CCSER1: variants seen among roughly 807,000 people sequenced by gnomAD.
CCSER1 encodes coiled-coil serine rich protein 1, also known as serine-rich coiled-coil domain-containing protein 1.
A neutral mutation model predicts 82.0 loss-of-function variants in CCSER1; 41 were observed. The observed-to-expected ratio is 0.50, with a 90% CI of 0.39 to 0.65. The LOEUF (loss-of-function observed/expected upper bound fraction) is 0.65. Among genes scored for constraint, CCSER1 ranks in the 30% least tolerant of loss-of-function variants. CCSER1 has a pLI of 0.00. For synonymous variants in CCSER1, 414 were observed against 383.9 expected, an observed-to-expected ratio of 1.08 and a Z score of -0.92; for missense variants, 1,119 against 1,064.2, an observed-to-expected ratio of 1.05 and a Z score of -0.72.
intron 10 of CCSER1, among the ~76,000 whole-genome samples, chr4:91,152,171 A>G (rs1418019231): frequency 2.0e-5 from 3 of 152,166 alleles, no homozygotes; most frequent in Non-Finnish European, 4.4e-5. Flanking sequence ...TATTAGGTTC[A>G]TATATATTTA....
At chr4:91,077,267 A>AATG (rs2148787494) in intron 9 of CCSER1, among the ~76,000 whole-genome samples, 1 of 152,318 alleles carries the variant, frequency 6.6e-6, no homozygotes, top group South Asian at 2.1e-4. Flanking sequence ...CACCCTAAAA[A>AATG]ATGTTTAATG....
intron 10 of CCSER1, among the ~76,000 whole-genome samples, chr4:91,431,147 A>T (rs963978928): frequency 6.6e-6 from 1 of 152,052 alleles, no homozygotes; most frequent in Admixed American, 6.6e-5. Context: ...GAGGCAGGAG[A>T]ATGGCGTGAA....
At chr4:90,415,959 T>C (rs1036055052) in intron 4 of CCSER1, among the ~76,000 whole-genome samples, 1 of 152,214 alleles carries the variant, frequency 6.6e-6, no homozygotes. Flanking sequence ...TACATAATCA[T>C]TGGCAATTTA....
chr4:90,388,399 C>T (rs532574569), intron 3 of CCSER1, among the ~76,000 whole-genome samples: 17 of 149,878 alleles, frequency 1.1e-4, no homozygotes, highest in Admixed American at 7.3e-4. Flanking sequence ...AACCTTTGCC[C>T]GCTGGGTTCA....
At chr4:91,486,405 C>A (rs1312185765) in intron 10 of CCSER1, among the ~76,000 whole-genome samples, 1 of 151,758 alleles carries the variant, frequency 6.6e-6, no homozygotes, top group Non-Finnish European at 1.5e-5. Context: ...TATTACAATG[C>A]CTTTTAAAAC....
chr4:91,102,716 T>C (rs1725204469), intron 10 of CCSER1, among the ~76,000 whole-genome samples: 1 of 152,212 alleles, frequency 6.6e-6, no homozygotes, highest in South Asian at 2.1e-4. Flanking sequence ...TACAGTGTTT[T>C]TGTGTGTGCA....
intron 4 of CCSER1, among the ~76,000 whole-genome samples, chr4:90,463,502 G>A (rs1763216656): frequency 6.6e-6 from 1 of 152,164 alleles, no homozygotes; most frequent in Admixed American, 6.5e-5. Context: ...AGTTAGTGCA[G>A]AATTGTGTCT....
In CCSER1 at chr4:90,308,368, T is replaced by A; in HGVS notation, c.84T>A (p.Ser28=). ...GAAGTATTAACAGAAGACATGATTC[T>A]CTTCCTTCTTCACCTTCTTCCAGTA... The part of the protein sequence containing the change: ...FRRSINRRHD[S]LPSSPSSSNT... The change falls in exon 2 of 11, where the codon TCT becomes TCA. Residue 28 remains serine, a synonymous_variant. Coordinates refer to ENST00000509176, the MANE Select transcript of CCSER1 (RefSeq NM_001145065.2). 6.2e-7 allele frequency: 1 copy of A among 1,613,570 alleles called. No individual in the cohort carries two copies. The highest frequency in any genetic ancestry group is 8.5e-7 in the Non-Finnish European group (1 of 1,179,754).
At chr4:90,514,792 A>G (rs1772032682) in intron 5 of CCSER1, among the ~76,000 whole-genome samples, 1 of 152,068 alleles carries the variant, frequency 6.6e-6, no homozygotes, top group African/African-American at 2.4e-5. Context: ...AACCTTTATA[A>G]TAATATATAT....
At chr4:90,324,869 A>C (rs1737850112) in intron 3 of CCSER1, among the ~76,000 whole-genome samples, 1 of 152,190 alleles carries the variant, frequency 6.6e-6, no homozygotes, top group Admixed American at 6.5e-5. Flanking sequence ...GAAGGGATCC[A>C]GTTTCAGCTT....
intron 5 of CCSER1, among the ~76,000 whole-genome samples, chr4:90,504,160 A>T (rs563213373): frequency 2.0e-5 from 3 of 152,112 alleles, no homozygotes; most frequent in Non-Finnish European, 4.4e-5. Context: ...TTTCAATAAG[A>T]TCATATCTTC....
intron 10 of CCSER1, among the ~76,000 whole-genome samples, chr4:91,151,548 TG>T (rs1258699497): frequency 6.6e-6 from 1 of 152,328 alleles, no homozygotes; most frequent in Admixed American, 6.5e-5. Flanking sequence ...CTTCTCTAGT[TG>T]TTTTAATTGT....
intron 1 of CCSER1, among the ~76,000 whole-genome samples, chr4:90,211,189 A>T (rs892201573): frequency 6.6e-6 from 1 of 152,232 alleles, no homozygotes; most frequent in African/African-American, 2.4e-5. Context: ...GAATAAAAGC[A>T]TTTGAAATCC....
At chr4:90,786,730 T>C (rs1754571742) in intron 7 of CCSER1, among the ~76,000 whole-genome samples, 1 of 152,156 alleles carries the variant, frequency 6.6e-6, no homozygotes, top group Non-Finnish European at 1.5e-5. Flanking sequence ...GTCTGTATGG[T>C]GGGAGGGTTC....
intron 10 of CCSER1, among the ~76,000 whole-genome samples, chr4:91,192,202 T>TC (rs982857921): frequency 1.6e-4 from 24 of 152,190 alleles, no homozygotes; most frequent in African/African-American, 5.5e-4. Context: ...CCCCCACTTT[T>TC]CCCCCCATGG....
chr4:90,271,218 A>AC (rs1464184520), intron 1 of CCSER1, among the ~76,000 whole-genome samples: 1 of 152,186 alleles, frequency 6.6e-6, no homozygotes, highest in Non-Finnish European at 1.5e-5. Flanking sequence ...TGGAGGAATC[A>AC]CATTACCTGA....
intron 1 of CCSER1, among the ~76,000 whole-genome samples, chr4:90,159,943 A>G (rs1037371066): frequency 6.6e-6 from 1 of 152,228 alleles, no homozygotes; most frequent in African/African-American, 2.4e-5. Context: ...GTTATCAAAT[A>G]CTTACAACAT....
At chr4:91,476,150 A>G (rs1182256016) in intron 10 of CCSER1, among the ~76,000 whole-genome samples, 1 of 151,800 alleles carries the variant, frequency 6.6e-6, no homozygotes, top group African/African-American at 2.4e-5. Context: ...TTTTGGATAC[A>G]TATTCATCAG....
At chr4:91,221,243 T>C (rs904012156) in intron 10 of CCSER1, among the ~76,000 whole-genome samples, 19 of 152,146 alleles carry the variant, frequency 1.2e-4, no homozygotes, top group African/African-American at 4.6e-4. Context: ...CTCTAACATC[T>C]CACTATCCAC....
Sources: gnomAD v4.1 joint callset for allele counts (sites outside exome capture counted in the v4.1 genomes callset) on GRCh38, gnomAD v4.1.1 for gene constraint, MANE v1.5 for transcripts, NCBI Gene and HGNC (gene_info 2026-07-23, HGNC 2026-07-21) for gene names.